The following TRPM2 variants were observed in gnomAD, a reference collection of about 807,000 sequenced individuals.
TRPM2 encodes estrogen-responsive element-associated gene 1 protein.
A neutral mutation model predicts 174.0 loss-of-function variants in TRPM2; 161 were observed. That is an observed-to-expected ratio of 0.93 (90% CI 0.81 to 1.05). The LOEUF is 1.05. Ranked by LOEUF, TRPM2 falls within the 50% of genes least tolerant of loss-of-function variation. The probability of loss-of-function intolerance (pLI) is 0.00; values close to 1 mark genes in which losing one functional copy is unlikely to be tolerated. For missense variants in TRPM2, 2,057 were observed against 2,038.0 expected (o/e 1.01, Z -0.18); for synonymous variants, 954 against 861.3 (o/e 1.11, Z -1.88).
At chr21:44,424,239 T>G (rs953035655) in intron 23 of TRPM2, among the ~76,000 whole-genome samples, 4 of 152,166 alleles carry the variant, frequency 2.6e-5, no homozygotes, top group African/African-American at 9.7e-5. Flanking sequence ...GTGCTGCTGC[T>G]CCCAGCCTTG....
intron 5 of TRPM2, among the ~76,000 whole-genome samples, chr21:44,373,072 T>C (rs779588967): frequency 6.6e-6 from 1 of 152,218 alleles, no homozygotes; most frequent in Admixed American, 6.5e-5. Context: ...ACCTTTCCTG[T>C]GATGCTGTCT....
intron 7 of TRPM2, among the ~76,000 whole-genome samples, chr21:44,378,223 C>A (rs902503225): frequency 6.6e-6 from 1 of 152,238 alleles, no homozygotes; most frequent in Non-Finnish European, 1.5e-5. Flanking sequence ...AGCTTGAATG[C>A]GCTGCTCTGC....
At chr21:44,412,586 G>C (rs572502815) in intron 19 of TRPM2, among the ~76,000 whole-genome samples, 1 of 151,452 alleles carries the variant, frequency 6.6e-6, no homozygotes, top group Non-Finnish European at 1.5e-5. Context: ...TTGATTTCTC[G>C]ATCTCATTTA....
At chr21:44,416,932 G>GGT (rs2050308108) in intron 20 of TRPM2, among the ~76,000 whole-genome samples, 1 of 132,860 alleles carries the variant, frequency 7.5e-6, no homozygotes. Context: ...GCGTGGCTCT[G>GGT]CTCTCTGGCA....
rs1429915825 is a variant in TRPM2, at chr21:44,408,102, C to T, written c.2962+1337C>T. Among the ~76,000 whole-genome samples the T allele has an allele frequency of 4.6e-5, 7 of 151,746 alleles. No homozygotes were observed. The South Asian group carries it at 1.0e-3, about 23-fold the overall frequency. Reference sequence around the variant, plus strand: ...CTGGGATTACAGGCACCTGCTACCACGCTTGGCTAATTTTTGTATTTTTTT... The same window carrying T: ...CTGGGATTACAGGCACCTGCTACCATGCTTGGCTAATTTTTGTATTTTTTT... On this transcript the variant is annotated intron_variant, in intron 19 of 31. Transcript: ENST00000397928.
In TRPM2 at chr21:44,406,680, CG is replaced by C; in HGVS notation, c.2878del (p.Glu960SerfsTer30). On this transcript the variant is annotated frameshift_variant, in exon 19 of 32. Transcript: ENST00000397928. LOFTEE classifies it high-confidence loss of function. ...VAKQAILIHN[E>X]RRVDWLFRGA... ...CCAAGCAGGCCATCCTCATCCACAA[CG>C]AGCGCCGGGTGGACTGGCTGTTCCG... 6.2e-7 allele frequency: 1 copy of C among 1,610,414 alleles called. No homozygotes were observed. The highest frequency in any genetic ancestry group is 1.1e-5 in the South Asian group (1 of 90,906).
rs755129641 is a variant in TRPM2 at position 44,418,024 on chromosome 21, C to A, written c.3244C>A (p.Pro1082Thr). 6.2e-7 allele frequency: 1 copy of A among 1,612,938 alleles called. No homozygotes were observed. Among genetic ancestry groups the A allele is most frequent in the Non-Finnish European group, 8.5e-7 (1 of 1,180,004 alleles). ...EEYHGRPAAPPPFILLSHLQL... is the reference protein window; with the variant it reads ...EEYHGRPAAPTPFILLSHLQL... ...GTACCACGGCCGCCCCGCCGCGCCG[C>A]CCCCCTTCATCCTCCTCAGCCACCT... Residue 1082 changes from proline to threonine, a missense_variant, in exon 21 of 32, where the codon CCC becomes ACC. Physicochemically the swap from Pro to Thr is conservative, Grantham distance 38 (BLOSUM62 -1). Coordinates refer to ENST00000397928, the MANE Select transcript of TRPM2 (RefSeq NM_003307.4).
rs1261590065 is a variant in TRPM2, at chr21:44,399,530, ACT to A, written c.2208+91_2208+92del. ...TCCTGTTCGTGCAGTTGGCACGCAC[ACT>A]CACACAGGCTTCAGGGCCCTCAGCA... On this transcript the variant is annotated intron_variant, in intron 14 of 31. Coordinates refer to ENST00000397928, the MANE Select transcript of TRPM2 (RefSeq NM_003307.4). This position sits in a 1 kb window ranked among gnomAD's most constrained non-coding sequence, Gnocchi z 4.6. 23 of 1,497,326 alleles carry A rather than the reference ACT, an allele frequency of 1.5e-5. No individual in the cohort carries two copies. In the Admixed American group the frequency reaches 5.0e-4, roughly 32 times the overall value. The allele number at this position is 1,497,326 out of a possible 1,614,324, so 92.8% of individuals were successfully genotyped here. A position where few individuals can be genotyped will look rare whatever the true frequency, so the allele number is the denominator to read the frequency against.
At chr21:44,364,400 A>G in intron 3 of TRPM2, 118 bp downstream of exon 3, 1 of 1,253,480 alleles carries the variant, frequency 8.0e-7, no homozygotes, top group Non-Finnish European at 1.1e-6. Flanking sequence ...TCCAGGGTGC[A>G]TAGAGCCCAC....
intron 19 of TRPM2, among the ~76,000 whole-genome samples, chr21:44,409,415 G>C (rs2050013335): frequency 6.6e-6 from 1 of 152,174 alleles, no homozygotes; most frequent in Non-Finnish European, 1.5e-5. Context: ...CTTATTTCTA[G>C]AGTCTCAGTT....
intron 18 of TRPM2, 29 bp downstream of exon 18, chr21:44,406,066 G>A (rs770935393): frequency 1.3e-5 from 20 of 1,598,802 alleles, no homozygotes; most frequent in South Asian, 4.4e-5. Context: ...CGGCTCCATC[G>A]CGGCCTGCAG....
At chr21:44,382,243 G>C (rs991662995) in intron 8 of TRPM2, among the ~76,000 whole-genome samples, 1 of 152,112 alleles carries the variant, frequency 6.6e-6, no homozygotes, top group Non-Finnish European at 1.5e-5. Context: ...TAGATGGATA[G>C]ATTATGTAGA....
intron 19 of TRPM2, among the ~76,000 whole-genome samples, chr21:44,409,180 C>A (rs1177086476): frequency 6.6e-6 from 1 of 152,126 alleles, no homozygotes; most frequent in Non-Finnish European, 1.5e-5. Context: ...TCTCTTTGAT[C>A]ATTGTGCTTT....
chr21:44,386,421 A>T (rs958969402), intron 9 of TRPM2, among the ~76,000 whole-genome samples: 2 of 152,174 alleles, frequency 1.3e-5, no homozygotes, highest in African/African-American at 4.8e-5. Flanking sequence ...CACCAAAAAA[A>T]AATCTGCTGC....
intron 11 of TRPM2, among the ~76,000 whole-genome samples, chr21:44,395,075 C>T (rs900900580): frequency 6.6e-6 from 1 of 152,214 alleles, no homozygotes; most frequent in South Asian, 2.1e-4. Context: ...ACATACTCCA[C>T]TGTGCTAGAA....
chr21:44,417,918 C>A lies in TRPM2; in HGVS notation c.3147-9C>A. ...TGACCTCGAGGTGTTGCTTTCTCCT[C>A]CCTGACAGCTACACCTTCCAGCAGG... On this transcript the variant is annotated splice_polypyrimidine_tract_variant and intron_variant, in intron 20 of 31. Coordinates refer to ENST00000397928, the MANE Select transcript of TRPM2 (RefSeq NM_003307.4). The A allele has an allele frequency of 1.2e-6, 2 of 1,607,894 alleles. 1 individual carries two copies. The highest frequency in any genetic ancestry group is 2.2e-5 in the South Asian group (2 of 91,004).
chr21:44,437,789 C>A (rs993219156), intron 29 of TRPM2, among the ~76,000 whole-genome samples: 4 of 152,252 alleles, frequency 2.6e-5, no homozygotes, highest in African/African-American at 9.6e-5. Flanking sequence ...CCTGTTTCCT[C>A]CCAGGCCAGC....
At chr21:44,352,368 C>T (rs2123000769), upstream of TRPM2, among the ~76,000 whole-genome samples, 4 of 152,206 alleles carry the variant, frequency 2.6e-5, no homozygotes, top group South Asian at 2.1e-4. Context: ...TGAGAGTGCC[C>T]GCCCCAGGAC....
At chr21:44,372,472 G>C (rs916855104) in intron 5 of TRPM2, among the ~76,000 whole-genome samples, 2 of 152,228 alleles carry the variant, frequency 1.3e-5, no homozygotes, top group East Asian at 3.8e-4. Flanking sequence ...TCCAGCCCAG[G>C]TGACAGAGCG....
Sources: allele counts gnomAD v4.1 joint callset (sites outside exome capture counted in the v4.1 genomes callset), GRCh38; gene constraint gnomAD v4.1.1; non-coding constraint Gnocchi (gnomAD v3.1); transcripts MANE v1.5; gene names NCBI Gene and HGNC (gene_info 2026-07-23, HGNC 2026-07-21).